The following FAM227B variants were observed in gnomAD, a reference collection of about 807,000 sequenced individuals.
FAM227B encodes family with sequence similarity 227 member B.
FAM227B carries 88 observed loss-of-function variants against 73.8 expected under a neutral mutation model. The observed-to-expected ratio is 1.19, with a 90% CI of 1.00 to 1.42. FAM227B has a LOEUF of 1.42. Among genes scored for constraint, FAM227B ranks in the 40% most tolerant of loss-of-function variants. FAM227B has a pLI of 0.00. For synonymous variants in FAM227B, 210 were observed against 190.5 expected (o/e 1.10, Z -0.84); for missense variants, 632 against 590.9 (o/e 1.07, Z -0.72).
At chr15:49,337,125 G>A (rs1049981145) in intron 13 of FAM227B, among the ~76,000 whole-genome samples, 2 of 152,104 alleles carry the variant, frequency 1.3e-5, no homozygotes, top group Non-Finnish European at 2.9e-5. Flanking sequence ...CCATGTCTTT[G>A]CTATTGTGAA....
At chr15:49,550,950 T>C (rs552441730) in intron 9 of FAM227B, among the ~76,000 whole-genome samples, 2 of 152,026 alleles carry the variant, frequency 1.3e-5, no homozygotes, top group Non-Finnish European at 1.5e-5. Flanking sequence ...GTGGAGGTTG[T>C]AGCGAGCCGA....
chr15:49,354,539 C>T (rs573926964), intron 13 of FAM227B, among the ~76,000 whole-genome samples: 24 of 152,270 alleles, frequency 1.6e-4, no homozygotes, highest in African/African-American at 2.4e-4. Flanking sequence ...CTTTTCCGAC[C>T]GGCTTAAAAA....
At chr15:49,397,223 G>A (rs925742756) in intron 11 of FAM227B, among the ~76,000 whole-genome samples, 32 of 152,094 alleles carry the variant, frequency 2.1e-4, no homozygotes, top group African/African-American at 6.8e-4. Context: ...GAGCCGACGC[G>A]ATCAACTAGA....
chr15:49,332,393 C>T (rs1285990763), intron 14 of FAM227B, among the ~76,000 whole-genome samples: 5 of 152,140 alleles, frequency 3.3e-5, no homozygotes, highest in Non-Finnish European at 7.3e-5. Flanking sequence ...TGGGTGACAG[C>T]GCTTACTAGA....
intron 13 of FAM227B, among the ~76,000 whole-genome samples, chr15:49,336,144 T>C (rs1215868812): frequency 6.6e-6 from 1 of 152,214 alleles, no homozygotes; most frequent in Admixed American, 6.5e-5. Flanking sequence ...TAAAGACTCT[T>C]TAATTCTAAG....
intron 11 of FAM227B, among the ~76,000 whole-genome samples, chr15:49,412,072 T>C (rs1027745646): frequency 6.6e-6 from 1 of 152,124 alleles, no homozygotes; most frequent in Non-Finnish European, 1.5e-5. Flanking sequence ...AAACATGCTA[T>C]AATTTTGTAT....
intron 11 of FAM227B, among the ~76,000 whole-genome samples, chr15:49,500,618 A>C (rs1041897774): frequency 3.9e-5 from 6 of 152,268 alleles, no homozygotes; most frequent in African/African-American, 1.4e-4. Flanking sequence ...TTAGTAAGGA[A>C]GTAAATATAA....
intron 5 of FAM227B, among the ~76,000 whole-genome samples, chr15:49,587,646 A>G (rs755597018): frequency 6.6e-6 from 1 of 152,144 alleles, no homozygotes; most frequent in Non-Finnish European, 1.5e-5. Flanking sequence ...CAAAATCTCA[A>G]AAATATTTTT....
chr15:49,428,811 CAT>C (rs1281287046), intron 11 of FAM227B, among the ~76,000 whole-genome samples: 1 of 151,938 alleles, frequency 6.6e-6, no homozygotes, highest in African/African-American at 2.4e-5. Flanking sequence ...CTGTTAGTTC[CAT>C]AGCAAGAAAA....
chr15:49,447,747 T>G (rs2052357546), intron 11 of FAM227B, among the ~76,000 whole-genome samples: 1 of 151,692 alleles, frequency 6.6e-6, no homozygotes, highest in South Asian at 2.1e-4. Flanking sequence ...GTGGAATGAC[T>G]TTGTCCTCAT....
chr15:49,487,984 C>G (rs1457778435), intron 11 of FAM227B: 5 of 151,850 alleles, frequency 3.3e-5, no homozygotes, highest in African/African-American at 4.8e-5. Flanking sequence ...ATAAATAACA[C>G]AAGGCTAAAG....
At chr15:49,446,187 T>C (rs1597245079) in intron 11 of FAM227B, among the ~76,000 whole-genome samples, 2 of 151,680 alleles carry the variant, frequency 1.3e-5, no homozygotes, top group African/African-American at 2.4e-5. Flanking sequence ...CTGATAAATA[T>C]GGGAACACTT....
At chr15:49,329,724 T>A in intron 15 of FAM227B, 7 of 972,648 alleles carry the variant, frequency 7.2e-6, no homozygotes, top group Non-Finnish European at 8.6e-6. Flanking sequence ...AAATTTATAA[T>A]CCTTTATTTT....
intron 11 of FAM227B, among the ~76,000 whole-genome samples, chr15:49,371,806 T>C (rs944698335): frequency 6.2e-5 from 9 of 144,222 alleles, no homozygotes; most frequent in African/African-American, 1.7e-4. Flanking sequence ...AATTCACTTA[T>C]AAATAAATGA....
At chr15:49,518,340 C>G (rs974451539) in intron 10 of FAM227B, among the ~76,000 whole-genome samples, 2 of 152,076 alleles carry the variant, frequency 1.3e-5, no homozygotes, top group African/African-American at 4.8e-5. Context: ...CAGTACTCCT[C>G]AGAAAGATTA....
chr15:49,415,692 G>GTCT (rs1476824715), intron 11 of FAM227B, among the ~76,000 whole-genome samples: 2 of 152,124 alleles, frequency 1.3e-5, no homozygotes, highest in Non-Finnish European at 2.9e-5. Context: ...TAGACTCAGA[G>GTCT]ATACAAGAGT....
At chr15:49,472,585 T>A (rs2151971472) in intron 11 of FAM227B, among the ~76,000 whole-genome samples, 2 of 152,282 alleles carry the variant, frequency 1.3e-5, no homozygotes, top group Middle Eastern at 6.8e-3. Context: ...GAATAAAAGT[T>A]GGGAACAATT....
At chr15:49,545,136 T>C (rs905632117) in intron 9 of FAM227B, among the ~76,000 whole-genome samples, 2 of 136,678 alleles carry the variant, frequency 1.5e-5, no homozygotes, top group African/African-American at 5.0e-5. Flanking sequence ...ATCCTCAAAC[T>C]TTTTTTTGGC....
At chr15:49,388,738 C>T (rs1251309165) in intron 11 of FAM227B, among the ~76,000 whole-genome samples, 2 of 151,284 alleles carry the variant, frequency 1.3e-5, no homozygotes, top group East Asian at 1.9e-4. Context: ...ACTACACATC[C>T]GAAAAAGGAC....
Sources: allele counts gnomAD v4.1 joint callset (sites outside exome capture counted in the v4.1 genomes callset), GRCh38; gene constraint gnomAD v4.1.1; transcripts MANE v1.5; gene names NCBI Gene and HGNC (gene_info 2026-07-23, HGNC 2026-07-21).